MATN2: variants seen among roughly 807,000 people sequenced by gnomAD.
The protein encoded by MATN2 is matrilin-2.
A neutral mutation model predicts 103.2 loss-of-function variants in MATN2; 69 were observed. The ratio of observed to expected loss-of-function variants is 0.67; its 90% CI spans 0.55 to 0.82. The LOEUF (loss-of-function observed/expected upper bound fraction) is 0.82. MATN2 is among the 40% of genes least tolerant of loss of function. MATN2 has a pLI of 0.00. For synonymous variants in MATN2, 429 were observed against 450.2 expected, an observed-to-expected ratio of 0.95 and a Z score of 0.60; for missense variants, 1,023 against 1,211.5, an observed-to-expected ratio of 0.84 and a Z score of 2.31.
rs745520510 is a variant in MATN2 at position 97,889,017 on chromosome 8, A to C, written c.142+775A>C. 5.7e-4 allele frequency among the ~76,000 whole-genome samples: 87 copies of C among 152,344 alleles called. 1 individual carries two copies. The highest frequency in any genetic ancestry group is 3.4e-3 in the Middle Eastern group (1 of 294). On this transcript the variant is annotated intron_variant, in intron 2 of 18. Transcript: ENST00000254898. ...GAATGCCAACCTTGGAACATTTCTG[A>C]GAAATAAATGAGGTAATATACATAC...
intron 2 of MATN2, among the ~76,000 whole-genome samples, chr8:97,891,419 C>T (rs1173142022): frequency 1.1e-4 from 16 of 152,134 alleles, no homozygotes; most frequent in Admixed American, 9.8e-4. Context: ...CTCGCTGCAG[C>T]CTTGACCTCT....
At chr8:97,871,942 C>G (rs1817911335) in intron 1 of MATN2, among the ~76,000 whole-genome samples, 1 of 152,224 alleles carries the variant, frequency 6.6e-6, no homozygotes, top group African/African-American at 2.4e-5. Context: ...TCTAGCCCCT[C>G]ATACCTGCAA....
At chr8:98,008,032 C>A (rs1813032723) in intron 10 of MATN2, among the ~76,000 whole-genome samples, 1 of 152,128 alleles carries the variant, frequency 6.6e-6, no homozygotes, top group Non-Finnish European at 1.5e-5. Flanking sequence ...AAGTAAAGAG[C>A]CTAAGGTCAC....
chr8:97,918,718 G>A (rs1360111849), intron 2 of MATN2, among the ~76,000 whole-genome samples: 1 of 152,172 alleles, frequency 6.6e-6, no homozygotes, highest in Non-Finnish European at 1.5e-5. Context: ...GCCAGTCAAT[G>A]TGTTATCTGG....
At chr8:97,915,217 G>A (rs879877077) in intron 2 of MATN2, among the ~76,000 whole-genome samples, 1 of 151,928 alleles carries the variant, frequency 6.6e-6, no homozygotes, top group Non-Finnish European at 1.5e-5. Context: ...GTCTCTAACT[G>A]CTGGGCTCAG....
chr8:97,885,543 G>A (rs1818394414), intron 1 of MATN2, among the ~76,000 whole-genome samples: 1 of 152,142 alleles, frequency 6.6e-6, no homozygotes. Context: ...AGTAAGTTTA[G>A]GATTTGAGAA....
Position 98,007,158 on chromosome 8 carries a change from A to G in MATN2, c.1381A>G (p.Thr461Ala), listed in dbSNP as rs781361471. 1 of 1,613,660 alleles carries G rather than the reference A, an allele frequency of 6.2e-7. No individual in the cohort carries two copies. Among genetic ancestry groups the G allele is most frequent in the Non-Finnish European group, 8.5e-7 (1 of 1,179,794 alleles). ...DHGCEQLCLN[T>A]EDSFVCQCSE... ...TGGCTGTGAGCAGCTGTGTCTGAACACGGAGGATTCCTTCGTCTGCCAGTG... is the reference window on the plus strand; with the variant it reads ...TGGCTGTGAGCAGCTGTGTCTGAACGCGGAGGATTCCTTCGTCTGCCAGTG... Residue 461 changes from threonine to alanine, a missense_variant, in exon 9 of 19, where the codon ACG (threonine) becomes GCG (alanine). Thr to Ala is a moderately conservative substitution (Grantham distance 58). Transcript: ENST00000254898. This position sits in a 1 kb window ranked among gnomAD's most constrained non-coding sequence, Gnocchi z 4.2.
At chr8:97,951,360 G>C (rs1403368940) in intron 4 of MATN2, among the ~76,000 whole-genome samples, 1 of 152,208 alleles carries the variant, frequency 6.6e-6, no homozygotes, top group Non-Finnish European at 1.5e-5. Context: ...CATATCAGGG[G>C]AACATGAGCT....
intron 4 of MATN2, among the ~76,000 whole-genome samples, chr8:97,960,806 GT>G (rs150119017): frequency 1.3e-5 from 2 of 151,970 alleles, no homozygotes; most frequent in African/African-American, 2.4e-5. Flanking sequence ...TGAAAAATGT[GT>G]TTTTTTTATG....
intron 2 of MATN2, among the ~76,000 whole-genome samples, chr8:97,910,575 A>G (rs771282504): frequency 1.6e-4 from 25 of 152,366 alleles, no homozygotes; most frequent in Admixed American, 3.9e-4. Flanking sequence ...GGGAATGTAT[A>G]GAGACAGCTT....
chr8:97,994,359 T>C, intron 6 of MATN2, 121 bp from the exon 7 acceptor site: 3 of 1,025,176 alleles, frequency 2.9e-6, no homozygotes, highest in Non-Finnish European at 4.3e-6. Flanking sequence ...CCCTTCATGG[T>C]GTGACTCTTT....
intron 2 of MATN2, among the ~76,000 whole-genome samples, chr8:97,914,734 C>A (rs1809565298): frequency 6.6e-6 from 1 of 152,130 alleles, no homozygotes; most frequent in Non-Finnish European, 1.5e-5. Flanking sequence ...CTTTAGGACC[C>A]AGCCTTGCCA....
rs923360751 is a variant in MATN2, at chr8:97,979,118, G to C, written c.1081+110G>C. 3.1e-5 allele frequency: 40 copies of C among 1,297,610 alleles called. 1 individual carries two copies. The highest frequency in any genetic ancestry group is 4.2e-4 in the Middle Eastern group (2 of 4,738). The allele number at this position is 1,297,610 out of a possible 1,614,324, so 80.4% of individuals were successfully genotyped here. A position where few individuals can be genotyped will look rare whatever the true frequency, so the allele number is the denominator to read the frequency against. On this transcript the variant is annotated intron_variant, in intron 6 of 18. Coordinates refer to ENST00000254898, the MANE Select transcript of MATN2 (RefSeq NM_002380.5). Reference sequence around the variant, plus strand: ...GATTAGCAATATAATTATGTCATGGGGGTCTAATACCTTTTGCCCCATTCC... The same window carrying C: ...GATTAGCAATATAATTATGTCATGGCGGTCTAATACCTTTTGCCCCATTCC...
At chr8:97,999,349 T>C (rs918715285) in intron 7 of MATN2, among the ~76,000 whole-genome samples, 2 of 152,206 alleles carry the variant, frequency 1.3e-5, no homozygotes, top group African/African-American at 2.4e-5. Context: ...GTTAATTCTA[T>C]ATTTAATTTT....
At chr8:97,963,388 T>A (rs985119862) in intron 5 of MATN2, among the ~76,000 whole-genome samples, 1 of 152,096 alleles carries the variant, frequency 6.6e-6, no homozygotes, top group African/African-American at 2.4e-5. Flanking sequence ...CTTGCATTGG[T>A]CACAGGGAGT....
At chr8:97,971,897 TA>T (rs5893443) in intron 5 of MATN2, among the ~76,000 whole-genome samples, 86,015 of 148,510 alleles carry the variant, frequency 0.58, 25,498 homozygotes, top group Middle Eastern at 0.7. Flanking sequence ...TTTTGCTTAT[TA>T]AAAAAAAAAA....
chr8:97,937,583 C>CTTTTTTT (rs376203275), intron 3 of MATN2, among the ~76,000 whole-genome samples: 77 of 89,784 alleles, frequency 8.6e-4, no homozygotes, highest in South Asian at 2.2e-3. Flanking sequence ...TCCCCACTAA[C>CTTTTTTT]TTTTTTTTTT....
intron 6 of MATN2, among the ~76,000 whole-genome samples, chr8:97,992,380 G>A (rs1812420109): frequency 6.6e-6 from 1 of 152,030 alleles, no homozygotes; most frequent in African/African-American, 2.4e-5. Context: ...TATGACTATG[G>A]TATTACAATT....
chr8:97,899,729 G>T (rs1481124427), intron 2 of MATN2, among the ~76,000 whole-genome samples: 1 of 152,160 alleles, frequency 6.6e-6, no homozygotes, highest in Non-Finnish European at 1.5e-5. Context: ...TGGGGGTGAG[G>T]ACTTCAACAT....
Sources: allele counts gnomAD v4.1 joint callset (sites outside exome capture counted in the v4.1 genomes callset), GRCh38; gene constraint gnomAD v4.1.1; non-coding constraint Gnocchi (gnomAD v3.1); transcripts MANE v1.5; gene names NCBI Gene and HGNC (gene_info 2026-07-23, HGNC 2026-07-21).